Variants in CDC25B observed in about 807,000 individuals in gnomAD.
CDC25B encodes M-phase inducer phosphatase 2.
A neutral mutation model predicts 69.8 loss-of-function variants in CDC25B; 33 were observed. The observed-to-expected ratio is 0.47, with a 90% CI of 0.36 to 0.63. The LOEUF (loss-of-function observed/expected upper bound fraction) is 0.63. Among genes scored for constraint, CDC25B ranks in the 30% least tolerant of loss-of-function variants. CDC25B has a pLI of 0.00. For synonymous variants in CDC25B, 341 were observed against 314.6 expected, an observed-to-expected ratio of 1.08 and a Z score of -0.89; for missense variants, 727 against 809.1, an observed-to-expected ratio of 0.90 and a Z score of 1.23.
chr20:3,795,001 G>A (rs554798180), upstream of CDC25B, among the ~76,000 whole-genome samples: 201 of 152,306 alleles, frequency 1.3e-3, 1 homozygote, highest in African/African-American at 4.5e-3. Context: ...CCGGCTTTTG[G>A]GTGCAGCCTT....
chr20:3,790,258 ACT>A (rs1491259346), intron 1 of CDC25B, among the ~76,000 whole-genome samples: 1 of 149,696 alleles, frequency 6.7e-6, no homozygotes, highest in Admixed American at 6.7e-5. Context: ...ACAGAGTGAG[ACT>A]CTGTCTCAAA....
upstream of CDC25B, among the ~76,000 whole-genome samples, chr20:3,794,606 A>G (rs2146658045): frequency 6.6e-6 from 1 of 152,258 alleles, no homozygotes; most frequent in Non-Finnish European, 1.5e-5. Flanking sequence ...CCTCACTGGA[A>G]GTAGTGGCTG....
rs773216526 is a variant in CDC25B at position 3,801,109 on chromosome 20, G to A, written c.705+16G>A. 1.7e-5 allele frequency: 27 copies of A among 1,613,402 alleles called. No individual in the cohort carries two copies. Among genetic ancestry groups the A allele is most frequent in the Middle Eastern group, 1.6e-4 (1 of 6,066 alleles). On this transcript the variant is annotated intron_variant, in intron 7 of 15. Transcript: ENST00000245960. ...CGACCTGATGGTACATCCAGAGAGC[G>A]GATCCCTGGGAGGGGCCTGGGGAGG...
upstream of CDC25B, among the ~76,000 whole-genome samples, chr20:3,794,318 G>C (rs2088971633): frequency 6.6e-6 from 1 of 151,622 alleles, no homozygotes; most frequent in South Asian, 2.1e-4. Flanking sequence ...GTATCTCATT[G>C]TGGTTTTGAT....
chr20:3,802,380 C>G lies in CDC25B; in HGVS notation c.1194+4C>G. 1 of 1,599,360 alleles carries G rather than the reference C, an allele frequency of 6.3e-7. No individual in the cohort carries two copies. Among genetic ancestry groups the G allele is most frequent in the Non-Finnish European group, 8.5e-7 (1 of 1,173,798 alleles). On this transcript the variant is annotated splice_donor_region_variant and intron_variant, in intron 11 of 15. Transcript: ENST00000245960. ...GCTGATTGGAGATTACTCTAAGGTA[C>G]CTGCAGCAGCGAAGGGGGTACCTTG...
rs775960146 is a variant in CDC25B, at chr20:3,803,568, G to T, written c.1490+31G>T. 6.2e-7 allele frequency: 1 copy of T among 1,613,106 alleles called. No homozygotes were observed. Among genetic ancestry groups the T allele is most frequent in the Non-Finnish European group, 8.5e-7 (1 of 1,179,926 alleles). ...TCCCAGCTCCGCCCAGCCAGCTAGT[G>T]TCTGCCCTGGCCTTCCCTGCCCAGG... On this transcript the variant is annotated intron_variant, in intron 14 of 15. Coordinates refer to ENST00000245960, the MANE Select transcript of CDC25B (RefSeq NM_021873.4). The surrounding 1 kb of genome is among the most constrained non-coding windows in gnomAD (Gnocchi z 4.9).
Position 3,800,296 on chromosome 20 carries a change from AG to A in CDC25B, c.391del (p.Ala131ProfsTer24). On this transcript the variant is annotated frameshift_variant, in exon 4 of 16. Transcript: ENST00000245960. LOFTEE classifies it high-confidence loss of function. ...ACCCTTCTCTGTCCTAGGTTTGAAC[AG>A]GCCATCCAGGCAGCCAGCCGGATCA... ...DPHMAEQTFEQAIQAASRIIR... is the reference protein window; with the variant it reads ...DPHMAEQTFEXAIQAASRIIR... 6.2e-7 allele frequency: 1 copy of A among 1,614,034 alleles called. No individual in the cohort carries two copies. Among genetic ancestry groups the A allele is most frequent in the Non-Finnish European group, 8.5e-7 (1 of 1,179,980 alleles).
rs553065491 is a variant in CDC25B at position 3,798,263 on chromosome 20, T to C, written c.329-149T>C. On this transcript the variant is annotated intron_variant, in intron 2 of 15. Coordinates refer to ENST00000245960, the MANE Select transcript of CDC25B (RefSeq NM_021873.4). ...ACGATGTGTCAGCTCTCAGGGTCCA[T>C]GGTTGGGTTTTTGTTTCATTTTCTA... 14 of 478,742 alleles carry C rather than the reference T, an allele frequency of 2.9e-5. No individual in the cohort carries two copies. The East Asian group carries it at 4.4e-4, about 15-fold the overall frequency. 29.7% of individuals were successfully genotyped at this position (478,742 alleles called of 1,614,324 possible).
intron 1 of CDC25B, among the ~76,000 whole-genome samples, chr20:3,791,296 G>A (rs144845383): frequency 5.4e-4 from 82 of 152,282 alleles, no homozygotes; most frequent in Non-Finnish European, 1.0e-3. Context: ...GCAAGGTTCT[G>A]GGAGCCTGGG....
intron 5 of CDC25B, 87 bp from the exon 6 acceptor site, chr20:3,800,656 A>G: frequency 6.3e-7 from 1 of 1,594,548 alleles, no homozygotes; most frequent in African/African-American, 1.3e-5. Flanking sequence ...GAGGAGCTGG[A>G]GGAGAGGTGG....
At position 3,805,915 on chromosome 20, in the gene CDC25B, G is replaced by A. The variant is rs2089459889; in HGVS notation, c.*954G>A. On this transcript the variant is annotated 3_prime_UTR_variant, in exon 16 of 16. Transcript: ENST00000245960. ...ATGACAGCCTGCAGCAGGAATATATGTGTGCCTATTTGTGTGGACAAAAAT... is the reference window on the plus strand; with the variant it reads ...ATGACAGCCTGCAGCAGGAATATATATGTGCCTATTTGTGTGGACAAAAAT... 2.5e-6 allele frequency: 1 copy of A among 403,232 alleles called. No individual in the cohort carries two copies. Among genetic ancestry groups the A allele is most frequent in the Admixed American group, 4.4e-5 (1 of 22,732 alleles). 25.0% of individuals were successfully genotyped at this position (403,232 alleles called of 1,614,324 possible). A position where few individuals can be genotyped will look rare whatever the true frequency, so the allele number is the denominator to read the frequency against.
chr20:3,792,418 G>T (rs1317375606), upstream of CDC25B, among the ~76,000 whole-genome samples: 1 of 152,010 alleles, frequency 6.6e-6, no homozygotes, highest in African/African-American at 2.4e-5. Flanking sequence ...CAAACTCCTG[G>T]GCTCAAGCTA....
chr20:3,795,803 C>T, upstream of CDC25B: 1 of 985,010 alleles, frequency 1.0e-6, no homozygotes, highest in Non-Finnish European at 1.2e-6. Flanking sequence ...GCGCCTGGAG[C>T]GAGCGAATCC....
rs779089853 is a variant in CDC25B, at chr20:3,800,868, G to A, written c.582+3G>A. On this transcript the variant is annotated splice_donor_region_variant and intron_variant, in intron 6 of 15. Coordinates refer to ENST00000245960, the MANE Select transcript of CDC25B (RefSeq NM_021873.4). The stretch of plus-strand genomic sequence containing the variant: ...GCTCTGGGGAAGACAAGGAGAATGT[G>A]CGCTTCTGGAAGGCCGGGGTGGGAG... The A allele has an allele frequency of 1.9e-6, 3 of 1,613,838 alleles. No homozygotes were observed. Among genetic ancestry groups the A allele is most frequent in the Admixed American group, 1.7e-5 (1 of 60,004 alleles).
intron 1 of CDC25B, among the ~76,000 whole-genome samples, chr20:3,787,945 G>C (rs2088851302): frequency 6.6e-6 from 1 of 152,080 alleles, no homozygotes. Context: ...AGACCAGCCT[G>C]GCCAATATAG....
upstream of CDC25B, among the ~76,000 whole-genome samples, chr20:3,794,227 T>C (rs1037390744): frequency 1.7e-4 from 26 of 150,396 alleles, no homozygotes; most frequent in African/African-American, 5.9e-4. Flanking sequence ...GGTGTAAAAG[T>C]GTTCCTATTT....
Position 3,802,112 on chromosome 20 carries a change from C to T in CDC25B, c.1098+12C>T. 3 of 1,544,632 alleles carry T rather than the reference C, an allele frequency of 1.9e-6. No homozygotes were observed. Among genetic ancestry groups the T allele is most frequent in the Non-Finnish European group, 2.6e-6 (3 of 1,141,570 alleles). ...AGGCTGAGGAACCTGTGAGTGCCTT[C>T]CTCCTGGGGTTCACTTTGGCATGCA... is the stretch of plus-strand genomic sequence containing the variant. On this transcript the variant is annotated intron_variant, in intron 10 of 15. Transcript: ENST00000245960.
Position 3,796,723 on chromosome 20 carries a change from G to C in CDC25B, c.192G>C (p.Gly64=). Residue 64 remains glycine (G), a synonymous_variant, in exon 1 of 16, where the codon GGG becomes GGC. Coordinates refer to ENST00000245960, the MANE Select transcript of CDC25B (RefSeq NM_021873.4). ...CCCAGACCATGCACGACCTCGCCGGGCTCGGCAGGTAGGACACCCCAAGGA... is the reference window on the plus strand; with the variant it reads ...CCCAGACCATGCACGACCTCGCCGGCCTCGGCAGGTAGGACACCCCAAGGA... ...TLTQTMHDLA[G]LGSETPKSQV... The C allele has an allele frequency of 6.4e-7, 1 of 1,568,086 alleles. No individual in the cohort carries two copies. The highest frequency in any genetic ancestry group is 2.4e-5 in the East Asian group (1 of 41,284).
chr20:3,801,874 G>A (rs776050554), intron 9 of CDC25B, 50 bp from the exon 10 acceptor site: 5 of 1,584,506 alleles, frequency 3.2e-6, no homozygotes, highest in Non-Finnish European at 4.3e-6. Flanking sequence ...GGATTTGAGG[G>A]ATGGGACGGG....
Sources: gnomAD v4.1 joint callset for allele counts (sites outside exome capture counted in the v4.1 genomes callset) on GRCh38, gnomAD v4.1.1 for gene constraint, Gnocchi (gnomAD v3.1) non-coding constraint, MANE v1.5 for transcripts, NCBI Gene and HGNC (gene_info 2026-07-23, HGNC 2026-07-21) for gene names.